NSD3: variants seen among roughly 807,000 people sequenced by gnomAD.
The protein encoded by NSD3 is nuclear receptor binding SET domain protein 3.
NSD3 carries 24 observed loss-of-function variants against 160.8 expected under a neutral mutation model. That is an observed-to-expected ratio of 0.15 (90% CI 0.11 to 0.21). NSD3 has a LOEUF of 0.21. Ranked by LOEUF, NSD3 falls within the 10% of genes least tolerant of loss-of-function variation. NSD3 has a pLI of 1.00. For synonymous variants in NSD3, 520 were observed against 600.0 expected, an observed-to-expected ratio of 0.87 and a Z score of 1.95; for missense variants, 1,157 against 1,735.9, an observed-to-expected ratio of 0.67 and a Z score of 5.93.
intron 1 of NSD3, among the ~76,000 whole-genome samples, chr8:38,353,898 T>C (rs933606159): frequency 2.0e-5 from 3 of 152,198 alleles, no homozygotes; most frequent in Non-Finnish European, 4.4e-5. Context: ...GTCTCCTGAT[T>C]TCTAATCCTG....
chr8:38,296,404 C>A (rs1487787244), intron 15 of NSD3, among the ~76,000 whole-genome samples: 8 of 150,488 alleles, frequency 5.3e-5, no homozygotes, highest in South Asian at 2.1e-4. Flanking sequence ...AACTAAATTC[C>A]TTTACAATAT....
In NSD3 at chr8:38,317,636, A is replaced by G; in HGVS notation, c.1855+1259T>C. The G allele has an allele frequency of 8.4e-7, 1 of 1,187,146 alleles. No homozygotes were observed. The highest frequency in any genetic ancestry group is 1.1e-6 in the Non-Finnish European group (1 of 952,340). The allele number at this position is 1,187,146 out of a possible 1,614,324, so 73.5% of individuals were successfully genotyped here. A position where few individuals can be genotyped will look rare whatever the true frequency, so the allele number is the denominator to read the frequency against. On this transcript the variant is annotated intron_variant, in intron 9 of 23. Coordinates refer to ENST00000317025, the MANE Select transcript of NSD3 (RefSeq NM_023034.2). The surrounding 1 kb of genome is among the most constrained non-coding windows in gnomAD (Gnocchi z 5.3). The stretch of plus-strand genomic sequence containing the variant: ...GTTTGGCAAACCCCTGCAGATGTGC[A>G]TTAATGATGCTTTATTTAAAAACAA...
At chr8:38,368,374 A>G (rs1811158280) in intron 1 of NSD3, among the ~76,000 whole-genome samples, 1 of 152,252 alleles carries the variant, frequency 6.6e-6, no homozygotes, top group East Asian at 1.9e-4. Context: ...AAAAATTTAG[A>G]GAAAGATGTT....
At chr8:38,276,772 C>T in intron 22 of NSD3, 1 of 430,350 alleles carries the variant, frequency 2.3e-6, no homozygotes, top group Non-Finnish European at 4.2e-6. Context: ...GCAGCCTCGA[C>T]CTCCTGGGCT....
intron 16 of NSD3, among the ~76,000 whole-genome samples, chr8:38,295,523 A>C (rs909491964): frequency 1.3e-5 from 2 of 152,142 alleles, no homozygotes; most frequent in African/African-American, 4.8e-5. Flanking sequence ...ATACCACTGC[A>C]CTCCAGCCTT....
chr8:38,287,506 G>A (rs1808890878), intron 19 of NSD3, among the ~76,000 whole-genome samples: 1 of 152,138 alleles, frequency 6.6e-6, no homozygotes, highest in Non-Finnish European at 1.5e-5. Context: ...ATCAAACTAT[G>A]AACAATGGTT....
At chr8:38,334,491 A>T (rs1810157585) in intron 4 of NSD3, among the ~76,000 whole-genome samples, 1 of 152,204 alleles carries the variant, frequency 6.6e-6, no homozygotes, top group Non-Finnish European at 1.5e-5. Context: ...GCAGTGGCTT[A>T]CGCCTTTAAT....
intron 1 of NSD3, among the ~76,000 whole-genome samples, chr8:38,350,781 T>C (rs935822915): frequency 6.6e-6 from 1 of 152,142 alleles, no homozygotes; most frequent in Admixed American, 6.6e-5. Flanking sequence ...TTATTGCACC[T>C]CCTCCAGTAG....
At chr8:38,341,812 T>A (rs1213434125) in intron 2 of NSD3, among the ~76,000 whole-genome samples, 4 of 151,354 alleles carry the variant, frequency 2.6e-5, no homozygotes, top group African/African-American at 9.7e-5. Context: ...GGCGTAGTGA[T>A]GTGTACCTAT....
At chr8:38,363,622 AGAGT>A (rs1811038573) in intron 1 of NSD3, among the ~76,000 whole-genome samples, 4 of 144,346 alleles carry the variant, frequency 2.8e-5, no homozygotes, top group Non-Finnish European at 6.0e-5. Context: ...CCTGGGTAAC[AGAGT>A]GAGACTCCGT....
chr8:38,378,625 G>T (rs923371828), intron 1 of NSD3, among the ~76,000 whole-genome samples: 1 of 152,094 alleles, frequency 6.6e-6, no homozygotes, highest in African/African-American at 2.4e-5. Flanking sequence ...CTGGGTGACA[G>T]AGCGAGACTC....
chr8:38,305,811 T>G (rs540796778), intron 12 of NSD3, among the ~76,000 whole-genome samples: 24 of 152,304 alleles, frequency 1.6e-4, no homozygotes, highest in African/African-American at 5.8e-4. Context: ...TCACTGATTA[T>G]TTCTATGTGC....
intron 2 of NSD3, among the ~76,000 whole-genome samples, chr8:38,344,446 A>G (rs147916351): frequency 1.3e-5 from 2 of 151,918 alleles, no homozygotes; most frequent in Non-Finnish European, 2.9e-5. Flanking sequence ...TAATTTTTAA[A>G]TATTTTTAGT....
At chr8:38,324,589 T>G (rs1345725069) in intron 7 of NSD3, among the ~76,000 whole-genome samples, 1 of 152,186 alleles carries the variant, frequency 6.6e-6, no homozygotes, top group Non-Finnish European at 1.5e-5. Flanking sequence ...TATTGTGATA[T>G]GATAAGAAAC....
chr8:38,344,975 T>A (rs1477873805), intron 2 of NSD3, among the ~76,000 whole-genome samples: 1 of 152,134 alleles, frequency 6.6e-6, no homozygotes, highest in African/African-American at 2.4e-5. Flanking sequence ...AAATCTAATT[T>A]AAAAATATAT....
rs1808914879 is a variant in NSD3 at position 38,288,347 on chromosome 8, T to C, written c.3501+140A>G. The C allele has an allele frequency of 6.5e-6, 8 of 1,230,976 alleles. No individual in the cohort carries two copies. The South Asian group carries it at 1.3e-4, about 19-fold the overall frequency. 76.3% of individuals were successfully genotyped at this position (1,230,976 alleles called of 1,614,324 possible). ...CTACTACTCTTCTTTGCTCAAGAAG[T>C]ACCAAACTCTCAACATGGAAAGTTT... On this transcript the variant is annotated intron_variant, in intron 19 of 23. Transcript: ENST00000317025. This position sits in a 1 kb window ranked among gnomAD's most constrained non-coding sequence, Gnocchi z 4.5.
intron 12 of NSD3, among the ~76,000 whole-genome samples, chr8:38,306,650 T>C (rs1809400125): frequency 1.3e-5 from 2 of 152,102 alleles, no homozygotes; most frequent in African/African-American, 4.8e-5. Context: ...GATAATGGAA[T>C]AAGACTTACA....
intron 1 of NSD3, among the ~76,000 whole-genome samples, chr8:38,352,595 TTTTGTTTG>T (rs562839477): frequency 3.3e-4 from 50 of 152,206 alleles, no homozygotes; most frequent in African/African-American, 9.6e-4. Flanking sequence ...TCCATGTTGT[TTTTGTTTG>T]TTTGTTTGTT....
intron 7 of NSD3, among the ~76,000 whole-genome samples, chr8:38,322,241 C>T (rs1039622878): frequency 2.0e-5 from 3 of 152,154 alleles, no homozygotes; most frequent in South Asian, 2.1e-4. Flanking sequence ...GATCCCACTA[C>T]TTTGTTTTGT....
Sources: gnomAD v4.1 joint callset for allele counts (sites outside exome capture counted in the v4.1 genomes callset) on GRCh38, gnomAD v4.1.1 for gene constraint, Gnocchi (gnomAD v3.1) non-coding constraint, MANE v1.5 for transcripts, NCBI Gene and HGNC (gene_info 2026-07-23, HGNC 2026-07-21) for gene names.